IMMP2L: variants seen among roughly 807,000 people sequenced by gnomAD.
The protein encoded by IMMP2L is inner mitochondrial membrane peptidase subunit 2.
IMMP2L carries 18 observed loss-of-function variants against 19.3 expected under a neutral mutation model. The observed-to-expected ratio is 0.93, with a 90% CI of 0.64 to 1.38. The LOEUF (loss-of-function observed/expected upper bound fraction) is 1.38. Among genes scored for constraint, IMMP2L ranks in the 40% most tolerant of loss-of-function variants. The probability of loss-of-function intolerance (pLI) is 0.00; values close to 1 mark genes in which losing one functional copy is unlikely to be tolerated. For synonymous variants in IMMP2L, 76 were observed against 73.0 expected (o/e 1.04, Z -0.21); for missense variants, 233 against 218.2 (o/e 1.07, Z -0.43).
intron 5 of IMMP2L, among the ~76,000 whole-genome samples, chr7:110,741,446 T>G (rs956143131): frequency 6.6e-6 from 1 of 152,244 alleles, no homozygotes; most frequent in Non-Finnish European, 1.5e-5. Flanking sequence ...CTCATTAATA[T>G]GATTAGTGCC....
At chr7:111,361,546 C>T (rs533105321) in intron 3 of IMMP2L, among the ~76,000 whole-genome samples, 4 of 152,184 alleles carry the variant, frequency 2.6e-5, no homozygotes, top group African/African-American at 9.6e-5. Flanking sequence ...AAAATTTTTC[C>T]TTGCCAAATT....
intron 3 of IMMP2L, among the ~76,000 whole-genome samples, chr7:111,324,519 T>A (rs1383033235): frequency 6.6e-6 from 1 of 151,806 alleles, no homozygotes; most frequent in Non-Finnish European, 1.5e-5. Flanking sequence ...CTTTTTCAAG[T>A]TGAGAAAAGA....
intron 3 of IMMP2L, among the ~76,000 whole-genome samples, chr7:111,339,723 CAA>C (rs1390331289): frequency 1.3e-5 from 2 of 151,978 alleles, no homozygotes; most frequent in African/African-American, 4.8e-5. Context: ...CTATCTCATT[CAA>C]AGACTTCAAC....
intron 3 of IMMP2L, among the ~76,000 whole-genome samples, chr7:111,439,805 G>C (rs1344015383): frequency 6.6e-6 from 1 of 151,880 alleles, no homozygotes; most frequent in African/African-American, 2.4e-5. Flanking sequence ...CTGTTTGATT[G>C]CATTTTACCC....
At chr7:110,831,900 T>C (rs1431721898) in intron 5 of IMMP2L, among the ~76,000 whole-genome samples, 3 of 152,166 alleles carry the variant, frequency 2.0e-5, no homozygotes, top group Non-Finnish European at 4.4e-5. Context: ...TCGGTGAAAG[T>C]CCCTAATTGA....
intron 3 of IMMP2L, among the ~76,000 whole-genome samples, chr7:111,367,978 C>A (rs918845176): frequency 3.3e-5 from 5 of 150,992 alleles, no homozygotes; most frequent in Admixed American, 2.0e-4. Context: ...TTCCTTTTGA[C>A]CACTCATTAA....
chr7:110,793,795 TATC>T (rs1285294062), intron 5 of IMMP2L, among the ~76,000 whole-genome samples: 3 of 152,228 alleles, frequency 2.0e-5, no homozygotes, highest in Non-Finnish European at 2.9e-5. Context: ...GTTAATTAGT[TATC>T]ATTCACTGTG....
At chr7:110,937,855 G>A (rs1245107849) in intron 4 of IMMP2L, among the ~76,000 whole-genome samples, 1 of 152,182 alleles carries the variant, frequency 6.6e-6, no homozygotes. Flanking sequence ...TTTCAACTGT[G>A]TTAAGAAGGA....
At chr7:111,329,452 C>G (rs2130635937) in intron 3 of IMMP2L, among the ~76,000 whole-genome samples, 1 of 151,926 alleles carries the variant, frequency 6.6e-6, no homozygotes, top group South Asian at 2.1e-4. Context: ...TCAGGAGAAA[C>G]TACACAAACG....
chr7:111,557,937 C>T (rs1346206771), intron 1 of IMMP2L, among the ~76,000 whole-genome samples: 1 of 151,622 alleles, frequency 6.6e-6, no homozygotes, highest in Non-Finnish European at 1.5e-5. Context: ...ATCTTAAGAA[C>T]GTACAGACAT....
intron 2 of IMMP2L, among the ~76,000 whole-genome samples, chr7:111,509,929 C>T (rs147895536): frequency 0.011 from 1,603 of 152,226 alleles, 33 homozygotes; most frequent in African/African-American, 0.035. Context: ...ATTCCAGCAT[C>T]CCTCTGAACT....
At chr7:111,499,223 T>C (rs117892331) in intron 2 of IMMP2L, among the ~76,000 whole-genome samples, 32 of 152,006 alleles carry the variant, frequency 2.1e-4, no homozygotes, top group Admixed American at 4.6e-4. Flanking sequence ...CCAAAATGAG[T>C]CATAAGGCCA....
At chr7:110,926,625 G>A (rs1814887241) in intron 4 of IMMP2L, among the ~76,000 whole-genome samples, 1 of 151,950 alleles carries the variant, frequency 6.6e-6, no homozygotes. Context: ...TCATCTTTAA[G>A]TTTTTGCTTA....
At chr7:110,794,952 A>C (rs1800761367) in intron 5 of IMMP2L, among the ~76,000 whole-genome samples, 1 of 152,106 alleles carries the variant, frequency 6.6e-6, no homozygotes, top group African/African-American at 2.4e-5. Flanking sequence ...ACATTTAGTT[A>C]GCAATTGGGC....
At chr7:111,124,876 G>C in intron 3 of IMMP2L, 1 of 1,596,000 alleles carries the variant, frequency 6.3e-7, no homozygotes, top group Non-Finnish European at 8.5e-7. Context: ...AACTGTTATA[G>C]GTTTACCAAC....
intron 5 of IMMP2L, among the ~76,000 whole-genome samples, chr7:110,724,834 TC>T (rs1314396399): frequency 6.6e-6 from 1 of 152,174 alleles, no homozygotes; most frequent in Middle Eastern, 3.2e-3. Context: ...CTCCTTTTCA[TC>T]CAAGAATCAC....
chr7:111,395,675 T>A (rs368175958), intron 3 of IMMP2L, among the ~76,000 whole-genome samples: 1 of 152,166 alleles, frequency 6.6e-6, no homozygotes, highest in South Asian at 2.1e-4. Flanking sequence ...ATAGTATAAT[T>A]TAATCTCTAT....
At chr7:110,751,324 C>A (rs1797704667) in intron 5 of IMMP2L, among the ~76,000 whole-genome samples, 1 of 151,954 alleles carries the variant, frequency 6.6e-6, no homozygotes, top group Non-Finnish European at 1.5e-5. Context: ...CATGACAATA[C>A]TCCTTTAGAA....
At chr7:111,548,537 A>G (rs893283895) in intron 1 of IMMP2L, among the ~76,000 whole-genome samples, 12 of 152,310 alleles carry the variant, frequency 7.9e-5, no homozygotes, top group African/African-American at 2.9e-4. Flanking sequence ...CAAAAAGTTG[A>G]TATTACAATA....
Sources: gnomAD v4.1 joint callset for allele counts (sites outside exome capture counted in the v4.1 genomes callset) on GRCh38, gnomAD v4.1.1 for gene constraint, MANE v1.5 for transcripts, NCBI Gene and HGNC (gene_info 2026-07-23, HGNC 2026-07-21) for gene names.